Variants in TMPRSS12 observed in about 807,000 individuals in gnomAD.
TMPRSS12 encodes the protein transmembrane protease serine 12.
Under a neutral mutation model 26.0 loss-of-function variants are expected in TMPRSS12, and 25 were observed. The observed-to-expected ratio is 0.96, with a 90% CI of 0.70 to 1.34. The LOEUF (loss-of-function observed/expected upper bound fraction) is 1.34, where lower values mean the gene tolerates loss of function less well. Among genes scored for constraint, TMPRSS12 ranks in the 40% most tolerant of loss-of-function variants. The pLI, the probability that TMPRSS12 is intolerant of heterozygous loss-of-function variation, is 0.00. For missense variants in TMPRSS12, 441 were observed against 440.1 expected (o/e 1.00, Z -0.02); for synonymous variants, 150 against 161.7 (o/e 0.93, Z 0.55).
rs113602929 is a variant in TMPRSS12, at chr12:50,851,110, G to A, written c.383+7073G>A. On this transcript the variant is annotated intron_variant, in intron 2 of 4. Transcript: ENST00000398458. ...AATAACAGTCCACACAGATGAGAAA[G>A]AACCAGCACAAGAACCCTGGCAACC... 2.0e-3 allele frequency among the ~76,000 whole-genome samples: 311 copies of A among 152,334 alleles called. 9 individuals are homozygous for A. Among genetic ancestry groups the A allele is most frequent in the African/African-American group, 7.1e-3 (294 of 41,584 alleles).
chr12:50,874,387 C>CA (rs1227559818), intron 3 of TMPRSS12, among the ~76,000 whole-genome samples: 1 of 151,916 alleles, frequency 6.6e-6, no homozygotes, highest in African/African-American at 2.4e-5. Flanking sequence ...GGAATTTCTT[C>CA]AAAAAATGCA....
At position 50,843,116 on chromosome 12, in the gene TMPRSS12, T is replaced by G. The variant is rs2139716744; in HGVS notation, c.152T>G (p.Leu51Arg). Residue 51 changes from leucine to arginine, a missense_variant, in exon 1 of 5, where the codon CTC becomes CGC. Coordinates refer to ENST00000398458, the MANE Select transcript of TMPRSS12 (RefSeq NM_182559.3). ...CAGGCTGAGGCCGTCCGCAAGAGGC[T>G]CCGGCGGCGGAGGGAGGGAGGGGCG... is the stretch of plus-strand genomic sequence containing the variant. ...SQQAEAVRKRLRRRREGGAHA... is the reference protein window; with the variant it reads ...SQQAEAVRKRRRRRREGGAHA... 1 of 1,576,424 alleles carries G rather than the reference T, an allele frequency of 6.3e-7. No homozygotes were observed. The highest frequency in any genetic ancestry group is 2.3e-5 in the East Asian group (1 of 43,352).
Position 50,878,921 on chromosome 12 carries a change from C to G in TMPRSS12, c.653-6325C>G, listed in dbSNP as rs935533929. Among the ~76,000 whole-genome samples, 6 of 152,294 alleles carry G rather than the reference C, an allele frequency of 3.9e-5. No individual in the cohort carries two copies. The East Asian group carries it at 1.2e-3, about 29-fold the overall frequency. On this transcript the variant is annotated intron_variant, in intron 3 of 4. Transcript: ENST00000398458. ...AGCTCTCATCAGCGAGATTAGTGCC[C>G]TTATATGAGAGGCCCCAAAAAGCTG...
chr12:50,850,155 A>G (rs1190634915), intron 2 of TMPRSS12, among the ~76,000 whole-genome samples: 1 of 152,184 alleles, frequency 6.6e-6, no homozygotes, highest in East Asian at 1.9e-4. Flanking sequence ...TCATGTTGGA[A>G]TGTAATCCCC....
chr12:50,874,988 A>T (rs951336256), intron 3 of TMPRSS12, among the ~76,000 whole-genome samples: 2 of 152,220 alleles, frequency 1.3e-5, no homozygotes, highest in South Asian at 2.1e-4. Flanking sequence ...GGAAAAATCA[A>T]TATCATTATA....
Position 50,887,251 on chromosome 12 carries a change from T to A in TMPRSS12, c.796-11T>A. On this transcript the variant is annotated splice_polypyrimidine_tract_variant and intron_variant, in intron 4 of 4. Coordinates refer to ENST00000398458, the MANE Select transcript of TMPRSS12 (RefSeq NM_182559.3). ...GAAGTAACAAACACTATTTTGGGAC[T>A]TTTTTGACAGGGTGACAGTGGGGGA... 1 of 1,610,470 alleles carries A rather than the reference T, an allele frequency of 6.2e-7. No individual in the cohort carries two copies. The highest frequency in any genetic ancestry group is 8.5e-7 in the Non-Finnish European group (1 of 1,178,212).
chr12:50,872,238 G>A (rs1938050602), intron 3 of TMPRSS12, among the ~76,000 whole-genome samples: 1 of 152,158 alleles, frequency 6.6e-6, no homozygotes, highest in South Asian at 2.1e-4. Flanking sequence ...TGAAGGCCGG[G>A]CGCGGTGGCT....
At chr12:50,867,483 A>G (rs920345250) in intron 3 of TMPRSS12, among the ~76,000 whole-genome samples, 1 of 152,242 alleles carries the variant, frequency 6.6e-6, no homozygotes, top group Non-Finnish European at 1.5e-5. Flanking sequence ...ATTATGTTAA[A>G]CAACCAAACC....
At chr12:50,878,708 G>A (rs1466174147) in intron 3 of TMPRSS12, among the ~76,000 whole-genome samples, 2 of 152,178 alleles carry the variant, frequency 1.3e-5, no homozygotes, top group Non-Finnish European at 2.9e-5. Context: ...ATGGAAAACA[G>A]TCTTTTCAAC....
In TMPRSS12 at chr12:50,858,055, G is replaced by A. The variant is rs1937898430; in HGVS notation, c.384-730G>A. Among the ~76,000 whole-genome samples, 3 of 152,134 alleles carry A rather than the reference G, an allele frequency of 2.0e-5. No homozygotes were observed. The South Asian group carries it at 6.2e-4, about 32-fold the overall frequency. ...GACAGGGTTTCACCATGTTAGCCAG[G>A]ATGGTCTCGATCTCCTGACCTCGTG... On this transcript the variant is annotated intron_variant, in intron 2 of 4. Coordinates refer to ENST00000398458, the MANE Select transcript of TMPRSS12 (RefSeq NM_182559.3).
chr12:50,860,330 GAC>G (rs1937922765), intron 3 of TMPRSS12, among the ~76,000 whole-genome samples: 1 of 152,136 alleles, frequency 6.6e-6, no homozygotes, highest in Non-Finnish European at 1.5e-5. Flanking sequence ...AAACATAGAC[GAC>G]ACAGTCTCTT....
At chr12:50,869,301 G>A (rs762258067) in intron 3 of TMPRSS12, among the ~76,000 whole-genome samples, 6 of 152,044 alleles carry the variant, frequency 3.9e-5, no homozygotes, top group Non-Finnish European at 4.4e-5. Flanking sequence ...ACCTCAATAA[G>A]AAACGTAACA....
rs1223220308 is a variant in TMPRSS12, at chr12:50,887,572, A to G, written c.*59A>G. The G allele has an allele frequency of 2.6e-6, 4 of 1,538,534 alleles. No homozygotes were observed. The highest frequency in any genetic ancestry group is 2.6e-6 in the Non-Finnish European group (3 of 1,147,114). ...CATTGTGTCCCTTTCTATGTTCTAT[A>G]TAATGAACATCATTTATTCTTCTAG... On this transcript the variant is annotated 3_prime_UTR_variant, in exon 5 of 5. Transcript: ENST00000398458.
At chr12:50,885,678 G>T (rs1467794796) in intron 4 of TMPRSS12, 1 of 582,668 alleles carries the variant, frequency 1.7e-6, no homozygotes, top group Non-Finnish European at 3.0e-6. Context: ...TTTTATTTGA[G>T]ATAGTCTCGC....
At chr12:50,866,544 C>T (rs1305887252) in intron 3 of TMPRSS12, among the ~76,000 whole-genome samples, 1 of 151,866 alleles carries the variant, frequency 6.6e-6, no homozygotes, top group Non-Finnish European at 1.5e-5. Flanking sequence ...CTTCCCTACC[C>T]ACCCTGGTTG....
At chr12:50,856,628 G>C (rs1280204355) in intron 2 of TMPRSS12, among the ~76,000 whole-genome samples, 1 of 86,944 alleles carries the variant, frequency 1.2e-5, no homozygotes, top group African/African-American at 4.1e-5. Flanking sequence ...AAGTGTATCT[G>C]CTGTTTTATA....
intron 2 of TMPRSS12, among the ~76,000 whole-genome samples, chr12:50,857,397 TCTATTTACA>T (rs1937888063): frequency 1.3e-5 from 2 of 152,164 alleles, no homozygotes; most frequent in Non-Finnish European, 2.9e-5. Flanking sequence ...AAATTGCCCA[TCTATTTACA>T]CTTTCTGCCA....
chr12:50,860,658 G>A (rs1457351047), intron 3 of TMPRSS12, among the ~76,000 whole-genome samples: 1 of 152,032 alleles, frequency 6.6e-6, no homozygotes, highest in African/African-American at 2.4e-5. Flanking sequence ...CACTCAAGCT[G>A]GAGTGCAGGG....
chr12:50,867,388 C>G (rs893267819), intron 3 of TMPRSS12, among the ~76,000 whole-genome samples: 5 of 152,092 alleles, frequency 3.3e-5, no homozygotes, highest in African/African-American at 1.2e-4. Flanking sequence ...AAATTCAGAG[C>G]TCAAAGTCTT....
Sources: gnomAD v4.1 joint callset for allele counts (sites outside exome capture counted in the v4.1 genomes callset) on GRCh38, gnomAD v4.1.1 for gene constraint, MANE v1.5 for transcripts, NCBI Gene and HGNC (gene_info 2026-07-23, HGNC 2026-07-21) for gene names.